KCNN2: variants seen among roughly 807,000 people sequenced by gnomAD.
The protein encoded by KCNN2 is potassium calcium-activated channel subfamily N member 2.
KCNN2 carries 24 observed loss-of-function variants against 55.5 expected under a neutral mutation model. The ratio of observed to expected loss-of-function variants is 0.43; its 90% CI spans 0.31 to 0.61. KCNN2 has a LOEUF of 0.61. Ranked by LOEUF, KCNN2 falls within the 20% of genes least tolerant of loss-of-function variation. The pLI, the probability that KCNN2 is intolerant of heterozygous loss-of-function variation, is 0.08. For missense variants in KCNN2, 754 were observed against 853.6 expected (o/e 0.88, Z 1.45); for synonymous variants, 431 against 336.1 (o/e 1.28, Z -3.09).
chr5:114,161,329 C>G (rs1487817606), intron 1 of KCNN2, among the ~76,000 whole-genome samples: 2 of 146,160 alleles, frequency 1.4e-5, no homozygotes, highest in Non-Finnish European at 3.0e-5. Flanking sequence ...GAATATTGGC[C>G]CCCACTCTCT....
chr5:114,111,985 C>T (rs1193174796), intron 1 of KCNN2, among the ~76,000 whole-genome samples: 2 of 152,066 alleles, frequency 1.3e-5, no homozygotes, highest in African/African-American at 4.8e-5. Flanking sequence ...TGGGTATATA[C>T]CTAAAGGATT....
intron 3 of KCNN2, among the ~76,000 whole-genome samples, chr5:114,446,695 A>T (rs1441702304): frequency 5.3e-5 from 8 of 152,134 alleles, no homozygotes; most frequent in Non-Finnish European, 1.0e-4. Flanking sequence ...TCCTGACCTC[A>T]AGTGATCCAG....
At chr5:114,415,630 C>T (rs1274621628) in intron 3 of KCNN2, among the ~76,000 whole-genome samples, 1 of 152,078 alleles carries the variant, frequency 6.6e-6, no homozygotes, top group Non-Finnish European at 1.5e-5. Flanking sequence ...ATTTGCAATC[C>T]TCTAATGACT....
chr5:114,157,818 CTGTT>C (rs1752669696), intron 1 of KCNN2, among the ~76,000 whole-genome samples: 1 of 150,118 alleles, frequency 6.7e-6, no homozygotes, highest in South Asian at 2.1e-4. Context: ...TGAGAAGTGT[CTGTT>C]CATTTCCTTT....
chr5:114,134,181 C>A (rs943255223), intron 1 of KCNN2, among the ~76,000 whole-genome samples: 1 of 151,522 alleles, frequency 6.6e-6, no homozygotes. Flanking sequence ...CTCTTCCCCT[C>A]TTTCTCCAGG....
intron 1 of KCNN2, among the ~76,000 whole-genome samples, chr5:114,072,999 A>T (rs1374496921): frequency 6.6e-6 from 1 of 152,192 alleles, no homozygotes; most frequent in African/African-American, 2.4e-5. Flanking sequence ...GGATTACTCT[A>T]AGTGATTTTT....
At chr5:114,268,017 T>A (rs1286741525) in intron 2 of KCNN2, among the ~76,000 whole-genome samples, 1 of 152,176 alleles carries the variant, frequency 6.6e-6, no homozygotes. Context: ...ACACCTTAAA[T>A]GCCACTTCCT....
In KCNN2 at chr5:114,198,430, G is replaced by GTA. The variant is rs570641635; in HGVS notation, c.-270-23040_-270-23039dup. ...TATCCATACATATACGTATATATGT[G>GTA]TATATATATATGTGTTTACATATAT... is the stretch of plus-strand genomic sequence containing the variant. On this transcript the variant is annotated intron_variant, in intron 1 of 10. Transcript: ENST00000512097. Among the ~76,000 whole-genome samples the GTA allele has an allele frequency of 9.7e-4, 140 of 144,170 alleles. No homozygotes were observed. In the Middle Eastern group the frequency reaches 0.011, roughly 11 times the overall value. 94.6% of individuals were successfully genotyped at this position (144,170 alleles called of 152,430 possible).
At chr5:114,284,702 T>G (rs1755699516) in intron 2 of KCNN2, among the ~76,000 whole-genome samples, 1 of 151,826 alleles carries the variant, frequency 6.6e-6, no homozygotes, top group Non-Finnish European at 1.5e-5. Context: ...CCTTTTTTAG[T>G]AGAGACGGGG....
chr5:114,206,594 T>C, intron 1 of KCNN2, among the ~76,000 whole-genome samples: 1 of 152,146 alleles, frequency 6.6e-6, no homozygotes, highest in African/African-American at 2.4e-5. Context: ...ATCACTCTCG[T>C]TAGCCTTTCC....
chr5:114,405,940 G>A (rs1189776346), intron 3 of KCNN2, among the ~76,000 whole-genome samples: 1 of 151,856 alleles, frequency 6.6e-6, no homozygotes, highest in Non-Finnish European at 1.5e-5. Context: ...TCAATCTCCT[G>A]ACCTCGTGAT....
rs573733939 is a variant in KCNN2 at position 114,458,836 on chromosome 5, G to T, written c.1638-4213G>T. Among the ~76,000 whole-genome samples, 140 of 152,300 alleles carry T rather than the reference G, an allele frequency of 9.2e-4. 3 individuals are homozygous for T. The highest frequency in any genetic ancestry group is 6.5e-3 in the Admixed American group (99 of 15,296). ...ACAAACAGATCCTCAGAGTACAAAC[G>T]AGGGTTAGAGAGAAGGGGGGACGTG... On this transcript the variant is annotated intron_variant, in intron 3 of 7. Coordinates refer to ENST00000673685, the MANE Select transcript of KCNN2 (RefSeq NM_021614.4).
At chr5:114,368,251 A>G (rs1426721447) in intron 2 of KCNN2, among the ~76,000 whole-genome samples, 1 of 152,196 alleles carries the variant, frequency 6.6e-6, no homozygotes, top group African/African-American at 2.4e-5. Context: ...TGTGGTTACC[A>G]AGGGACAACT....
chr5:114,346,077 C>T (rs1757099483), intron 2 of KCNN2, among the ~76,000 whole-genome samples: 1 of 152,174 alleles, frequency 6.6e-6, no homozygotes, highest in Admixed American at 6.5e-5. Flanking sequence ...CCACAGTGCT[C>T]AGCCCTCAGG....
intron 1 of KCNN2, among the ~76,000 whole-genome samples, chr5:114,118,863 C>A (rs895754628): frequency 5.9e-5 from 9 of 152,068 alleles, no homozygotes; most frequent in African/African-American, 2.2e-4. Flanking sequence ...TCAGGAACAA[C>A]TGAAACAGGT....
intron 2 of KCNN2, among the ~76,000 whole-genome samples, chr5:114,392,977 A>G (rs924913045): frequency 1.3e-5 from 2 of 151,902 alleles, no homozygotes; most frequent in East Asian, 1.9e-4. Flanking sequence ...GTCATGGGTT[A>G]TGTGAAGCTT....
chr5:114,267,329 C>A (rs1253294564), intron 2 of KCNN2, among the ~76,000 whole-genome samples: 3 of 152,146 alleles, frequency 2.0e-5, no homozygotes, highest in African/African-American at 7.2e-5. Flanking sequence ...CCTAGGCAGG[C>A]TTTTTCGTGT....
rs199852324 is a variant in KCNN2, at chr5:114,496,086, C to T, written c.2280C>T (p.Asp760=). The T allele has an allele frequency of 6.8e-6, 11 of 1,614,050 alleles. No homozygotes were observed. The East Asian group carries it at 2.5e-4, about 36-fold the overall frequency. ...TTGAGGCTCAGATGGAGAGCTACGA[C>T]AAGCACGTCACTTACAATGCTGAGC... is the stretch of plus-strand genomic sequence containing the variant. The part of the protein sequence containing the change: ...DFIEAQMESY[D]KHVTYNAERS... Residue 760 remains aspartate (D), a synonymous_variant, in exon 8 of 8, where the codon GAC becomes GAT. Transcript: ENST00000673685.
chr5:114,386,394 A>G (rs1191485474), intron 2 of KCNN2, among the ~76,000 whole-genome samples: 1 of 152,136 alleles, frequency 6.6e-6, no homozygotes, highest in Non-Finnish European at 1.5e-5. Flanking sequence ...TATAAGCAGA[A>G]AAAACAATTG....
Sources: allele counts gnomAD v4.1 joint callset (sites outside exome capture counted in the v4.1 genomes callset), GRCh38; gene constraint gnomAD v4.1.1; transcripts MANE v1.5; gene names NCBI Gene and HGNC (gene_info 2026-07-23, HGNC 2026-07-21).